DNAJC11: variants seen among roughly 807,000 people sequenced by gnomAD.
DNAJC11 encodes DnaJ heat shock protein family (Hsp40) member C11, also known as dnaJ homolog subfamily C member 11.
DNAJC11 carries 15 observed loss-of-function variants against 78.6 expected under a neutral mutation model. That is an observed-to-expected ratio of 0.19 (90% CI 0.13 to 0.29). DNAJC11 has a LOEUF of 0.29. DNAJC11 is among the 10% of genes least tolerant of loss of function. The pLI, the probability that DNAJC11 is intolerant of heterozygous loss-of-function variation, is 1.00. For missense variants in DNAJC11, 547 were observed against 709.6 expected (o/e 0.77, Z 2.60); for synonymous variants, 292 against 272.1 (o/e 1.07, Z -0.72).
intron 1 of DNAJC11, among the ~76,000 whole-genome samples, chr1:6,682,644 A>G (rs746871549): frequency 2.0e-5 from 3 of 152,192 alleles, no homozygotes; most frequent in Non-Finnish European, 2.9e-5. Context: ...GAAAAGAAAC[A>G]AGGCTGGACG....
At chr1:6,637,715 G>GA (rs1374151248) in intron 12 of DNAJC11, 2 of 610,734 alleles carry the variant, frequency 3.3e-6, no homozygotes, top group African/African-American at 3.7e-5. Flanking sequence ...CAGAAGGTGA[G>GA]AAGCACCTGA....
Position 6,653,095 on chromosome 1 carries a change from G to C in DNAJC11, c.508-144C>G, listed in dbSNP as rs1346695800. 1 of 926,078 alleles carries C rather than the reference G, an allele frequency of 1.1e-6. No homozygotes were observed. Among genetic ancestry groups the C allele is most frequent in the Non-Finnish European group, 1.6e-6 (1 of 610,230 alleles). 57.4% of individuals were successfully genotyped at this position (926,078 alleles called of 1,614,324 possible). A position where few individuals can be genotyped will look rare whatever the true frequency, so the allele number is the denominator to read the frequency against. The stretch of plus-strand genomic sequence containing the variant: ...AAGCACACATGGATGCAGAACTGCC[G>C]CAACAGCTTCACTTTTCTTCCGCTT... On this transcript the variant is annotated intron_variant, in intron 5 of 15. Coordinates refer to ENST00000377577, the MANE Select transcript of DNAJC11 (RefSeq NM_018198.4). The surrounding 1 kb of genome is among the most constrained non-coding windows in gnomAD (Gnocchi z 4.5).
At position 6,641,406 on chromosome 1, in the gene DNAJC11, T is replaced by TATACAC. The variant is rs757701253; in HGVS notation, c.1098-1350_1098-1349insGTGTAT. Among the ~76,000 whole-genome samples, 26 of 140,136 alleles carry TATACAC rather than the reference T, an allele frequency of 1.9e-4. 1 individual carries two copies. Among genetic ancestry groups the TATACAC allele is most frequent in the African/African-American group, 7.1e-4 (26 of 36,872 alleles). The allele number at this position is 140,136 out of a possible 152,430, so 91.9% of individuals were successfully genotyped here. ...AAAAAAAAAAATATATATATATATA[T>TATACAC]ACACACACACACACACACACACACA... On this transcript the variant is annotated intron_variant, in intron 10 of 15. Coordinates refer to ENST00000377577, the MANE Select transcript of DNAJC11 (RefSeq NM_018198.4).
chr1:6,700,533 G>C (rs1463466377), intron 1 of DNAJC11, among the ~76,000 whole-genome samples: 3 of 152,164 alleles, frequency 2.0e-5, no homozygotes, highest in Non-Finnish European at 2.9e-5. Context: ...TTGAGTTCAG[G>C]CTCTTGCACT....
intron 4 of DNAJC11, among the ~76,000 whole-genome samples, chr1:6,655,043 C>A (rs985657587): frequency 6.6e-6 from 1 of 152,178 alleles, no homozygotes; most frequent in Non-Finnish European, 1.5e-5. Context: ...ATGATCCACT[C>A]GCCTCGGCCT....
At chr1:6,657,868 A>G (rs902483885) in intron 4 of DNAJC11, among the ~76,000 whole-genome samples, 3 of 152,168 alleles carry the variant, frequency 2.0e-5, no homozygotes, top group African/African-American at 4.8e-5. Context: ...GATGGTCTCG[A>G]TCTCCTGACC....
intron 15 of DNAJC11, among the ~76,000 whole-genome samples, 196 bp from the exon 16 acceptor site, chr1:6,635,896 A>G (rs1194669249): frequency 6.6e-6 from 1 of 152,202 alleles, no homozygotes; most frequent in African/African-American, 2.4e-5. Flanking sequence ...CGCAGTTTCC[A>G]ACGCGCTCAC....
chr1:6,678,582 T>C, intron 2 of DNAJC11, 115 bp from the exon 3 acceptor site: 3 of 808,640 alleles, frequency 3.7e-6, no homozygotes, highest in South Asian at 1.8e-5. Context: ...CTGATCACAA[T>C]CTTCCTAGAG....
In DNAJC11 at chr1:6,635,059, A is replaced by G. The variant is rs574949398; in HGVS notation, c.*616T>C. On this transcript the variant is annotated 3_prime_UTR_variant, in exon 16 of 16. Transcript: ENST00000377577. ...GTCCCAAGCCGAGGGGGCCGGTGGAATGACTTGAGCAGCTCTGGGAGTGGG... is the reference window on the plus strand; with the variant it reads ...GTCCCAAGCCGAGGGGGCCGGTGGAGTGACTTGAGCAGCTCTGGGAGTGGG... 30 of 248,238 alleles carry G rather than the reference A, an allele frequency of 1.2e-4. No individual in the cohort carries two copies. Among genetic ancestry groups the G allele is most frequent in the Middle Eastern group, 1.9e-3 (1 of 524 alleles). The allele number at this position is 248,238 out of a possible 1,614,324, so 15.4% of individuals were successfully genotyped here. A position where few individuals can be genotyped will look rare whatever the true frequency, so the allele number is the denominator to read the frequency against.
At position 6,682,393 on chromosome 1, in the gene DNAJC11, G is replaced by A. The variant is rs1041516234; in HGVS notation, c.73-1356C>T. 4.1e-4 allele frequency among the ~76,000 whole-genome samples: 62 copies of A among 152,102 alleles called. 1 individual carries two copies. The highest frequency in any genetic ancestry group is 4.1e-3 in the Admixed American group (62 of 15,264). On this transcript the variant is annotated intron_variant, in intron 1 of 15. Transcript: ENST00000377577. ...GAGTTTATCAGGGGTTCTAAACAAG[G>A]AATTCTGAAGGACTCCAAGAGGAAG...
chr1:6,653,436 T>A lies in DNAJC11; in HGVS notation c.507+475A>T, dbSNP rs1000659850. 6.6e-6 allele frequency among the ~76,000 whole-genome samples: 1 copy of A among 152,310 alleles called. No homozygotes were observed. The highest frequency in any genetic ancestry group is 1.9e-4 in the East Asian group (1 of 5,186). ...ATGAGCTGAGGAGACAAAGACCTAC[T>A]ATAAACGCTCAGGAGAATGACCTGA... is the stretch of plus-strand genomic sequence containing the variant. On this transcript the variant is annotated intron_variant, in intron 5 of 15. Transcript: ENST00000377577. This position sits in a 1 kb window ranked among gnomAD's most constrained non-coding sequence, Gnocchi z 4.5.
chr1:6,648,459 ATTTCTTT>A (rs1642001299), intron 7 of DNAJC11, among the ~76,000 whole-genome samples: 1 of 151,574 alleles, frequency 6.6e-6, no homozygotes, highest in Admixed American at 6.6e-5. Flanking sequence ...CCTGACCAGC[ATTTCTTT>A]TTTCTTTTGA....
chr1:6,681,549 A>T (rs1455145560), intron 1 of DNAJC11, among the ~76,000 whole-genome samples: 1 of 152,260 alleles, frequency 6.6e-6, no homozygotes, highest in Non-Finnish European at 1.5e-5. Flanking sequence ...CAGCACATTC[A>T]GTGGCAGAAA....
At chr1:6,678,501 A>G (rs757509160) in intron 2 of DNAJC11, 34 bp from the exon 3 acceptor site, 7 of 1,573,338 alleles carry the variant, frequency 4.4e-6, no homozygotes, top group South Asian at 3.4e-5. Flanking sequence ...TTTATAAAAT[A>G]CAAAATTCAC....
At chr1:6,677,366 C>T (rs1389643651) in intron 3 of DNAJC11, among the ~76,000 whole-genome samples, 3 of 152,092 alleles carry the variant, frequency 2.0e-5, no homozygotes, top group African/African-American at 7.2e-5. Context: ...GATCATAGCT[C>T]ACTGCAGCCT....
chr1:6,681,276 G>T (rs568161476), intron 1 of DNAJC11, among the ~76,000 whole-genome samples: 2 of 152,266 alleles, frequency 1.3e-5, no homozygotes, highest in Non-Finnish European at 2.9e-5. Flanking sequence ...GCTATCCAAT[G>T]AATGAACGTT....
rs770912617 is a variant in DNAJC11 at position 6,634,690 on chromosome 1, C to A, written c.*985G>T. 1 of 1,365,888 alleles carries A rather than the reference C, an allele frequency of 7.3e-7. No homozygotes were observed. Among genetic ancestry groups the A allele is most frequent in the African/African-American group, 1.5e-5 (1 of 67,722 alleles). 84.6% of individuals were successfully genotyped at this position (1,365,888 alleles called of 1,614,324 possible). ...CTGCATTCTGCATCCCAAGTGGGCA[C>A]GTGGAGGAAGGGTCTGAAGGAAGGC... On this transcript the variant is annotated 3_prime_UTR_variant, in exon 16 of 16. Coordinates refer to ENST00000377577, the MANE Select transcript of DNAJC11 (RefSeq NM_018198.4).
In DNAJC11 at chr1:6,637,436, C is replaced by T. The variant is rs1295128014; in HGVS notation, c.1381+11G>A. The stretch of plus-strand genomic sequence containing the variant: ...GCCCACCCTGGACCAAGAGAGGACA[C>T]ATGTTCTCACCCATTCTGGACTCTT... On this transcript the variant is annotated intron_variant, in intron 13 of 15. Coordinates refer to ENST00000377577, the MANE Select transcript of DNAJC11 (RefSeq NM_018198.4). 3.7e-6 allele frequency: 6 copies of T among 1,614,118 alleles called. No homozygotes were observed. In the African/African-American group the frequency reaches 4.0e-5, roughly 11 times the overall value.
At chr1:6,657,901 T>A (rs981530703) in intron 4 of DNAJC11, among the ~76,000 whole-genome samples, 51 of 152,336 alleles carry the variant, frequency 3.3e-4, no homozygotes, top group Non-Finnish European at 5.0e-4. Context: ...CACCTTGGCC[T>A]CCCAAAGTGC....
Sources: allele counts gnomAD v4.1 joint callset (sites outside exome capture counted in the v4.1 genomes callset), GRCh38; gene constraint gnomAD v4.1.1; non-coding constraint Gnocchi (gnomAD v3.1); transcripts MANE v1.5; gene names NCBI Gene and HGNC (gene_info 2026-07-23, HGNC 2026-07-21).